Variants in ELL2 observed in about 807,000 individuals in gnomAD.
The protein encoded by ELL2 is RNA polymerase II elongation factor ELL2.
In ELL2, 21 loss-of-function variants were observed where a neutral mutation model predicts 72.8. That is an observed-to-expected ratio of 0.29 (90% confidence interval 0.20 to 0.42). ELL2 has a LOEUF of 0.42. Ranked by LOEUF, ELL2 falls within the 10% of genes least tolerant of loss-of-function variation. The probability of loss-of-function intolerance (pLI) is 1.00; values close to 1 mark genes in which losing one functional copy is unlikely to be tolerated. For missense variants in ELL2, 568 were observed against 772.8 expected (o/e 0.73, Z 3.14); for synonymous variants, 266 against 283.2 (o/e 0.94, Z 0.61).
intron 1 of ELL2, among the ~76,000 whole-genome samples, chr5:95,943,829 T>A (rs1751059860): frequency 6.6e-6 from 1 of 152,222 alleles, no homozygotes; most frequent in Non-Finnish European, 1.5e-5. Context: ...GAGTTGTGCA[T>A]TTAGAAGAAA....
At chr5:95,900,555 C>A (rs1471973199) in intron 7 of ELL2, 138 bp downstream of exon 7, 1 of 564,380 alleles carries the variant, frequency 1.8e-6, no homozygotes, top group African/African-American at 1.9e-5. Flanking sequence ...AGGCTAAGCT[C>A]AGCCATAACC....
intron 3 of ELL2, among the ~76,000 whole-genome samples, chr5:95,914,205 G>T (rs1008448311): frequency 6.6e-6 from 1 of 151,972 alleles, no homozygotes; most frequent in Non-Finnish European, 1.5e-5. Context: ...TTTAGAGTGA[G>T]ACCAGAGTTC....
At chr5:95,891,300 A>G in intron 9 of ELL2, 26 bp from the exon 10 acceptor site, 1 of 1,587,306 alleles carries the variant, frequency 6.3e-7, no homozygotes, top group South Asian at 1.1e-5. Context: ...ATAAATGGAG[A>G]GTAGCTACCC....
In ELL2 at chr5:95,950,935, TA is replaced by T. The variant is rs1561515434; in HGVS notation, c.148-7887del. The stretch of plus-strand genomic sequence containing the variant: ...ATATATATATATATATATATATATA[TA>T]TATATATATATATATATAAAATCTT... On this transcript the variant is annotated intron_variant, in intron 1 of 11. Coordinates refer to ENST00000237853, the MANE Select transcript of ELL2 (RefSeq NM_012081.6). Among the ~76,000 whole-genome samples the T allele has an allele frequency of 4.9e-3, 596 of 121,586 alleles. 10 individuals are homozygous for T. The highest frequency in any genetic ancestry group is 0.022 in the East Asian group (109 of 4,850). 79.8% of individuals were successfully genotyped at this position (121,586 alleles called of 152,430 possible). A position where few individuals can be genotyped will look rare whatever the true frequency, so the allele number is the denominator to read the frequency against.
intron 1 of ELL2, among the ~76,000 whole-genome samples, chr5:95,950,111 G>A (rs1300581836): frequency 6.6e-6 from 1 of 152,014 alleles, no homozygotes; most frequent in African/African-American, 2.4e-5. Flanking sequence ...CACTTTTTTG[G>A]TTTTGCACTA....
intron 4 of ELL2, among the ~76,000 whole-genome samples, chr5:95,911,426 C>T (rs916081578): frequency 3.3e-5 from 5 of 152,056 alleles, no homozygotes; most frequent in South Asian, 2.1e-4. Flanking sequence ...CAACCTCCAC[C>T]TCCCGGATTC....
intron 2 of ELL2, among the ~76,000 whole-genome samples, chr5:95,938,562 C>A (rs1750859219): frequency 6.6e-6 from 1 of 151,956 alleles, no homozygotes. Flanking sequence ...ATCTCTACAA[C>A]AACAACAAAA....
chr5:95,932,780 T>G (rs1477769415), intron 2 of ELL2: 1 of 151,866 alleles, frequency 6.6e-6, no homozygotes, highest in Non-Finnish European at 1.5e-5. Flanking sequence ...TAAAGAAAAA[T>G]GTCAAAATAG....
intron 8 of ELL2, among the ~76,000 whole-genome samples, chr5:95,897,956 G>C (rs1483802468): frequency 6.6e-6 from 1 of 152,080 alleles, no homozygotes; most frequent in Non-Finnish European, 1.5e-5. Context: ...AACAGATATG[G>C]AAAAGAATGT....
intron 2 of ELL2, among the ~76,000 whole-genome samples, chr5:95,929,249 A>G (rs908545309): frequency 1.4e-5 from 2 of 147,774 alleles, no homozygotes; most frequent in African/African-American, 2.5e-5. Context: ...GGCAAGGACC[A>G]TGGTCTTCCT....
intron 4 of ELL2, among the ~76,000 whole-genome samples, chr5:95,911,889 A>G (rs1490939067): frequency 6.6e-6 from 1 of 152,210 alleles, no homozygotes; most frequent in Non-Finnish European, 1.5e-5. Flanking sequence ...GACAAAGCAA[A>G]GAGGAAAAGG....
intron 9 of ELL2, among the ~76,000 whole-genome samples, chr5:95,894,194 C>T (rs944756524): frequency 1.3e-5 from 2 of 152,096 alleles, no homozygotes; most frequent in African/African-American, 2.4e-5. Flanking sequence ...GAGCCGAGGT[C>T]GCACCATCGC....
chr5:95,961,089 G>C (rs1751828345), intron 1 of ELL2, among the ~76,000 whole-genome samples: 1 of 152,146 alleles, frequency 6.6e-6, no homozygotes, highest in South Asian at 2.1e-4. Context: ...CCCACACGCG[G>C]AGCGCCTGTG....
intron 8 of ELL2, among the ~76,000 whole-genome samples, chr5:95,896,791 AG>A (rs1452065491): frequency 1.3e-5 from 2 of 152,214 alleles, no homozygotes; most frequent in African/African-American, 4.8e-5. Flanking sequence ...AAGAATTCAA[AG>A]AGACTAAGTC....
rs185213758 is a variant in ELL2 at position 95,956,826 on chromosome 5, T to C, written c.147+4749A>G. ...TAATTTTGGAGGCTTAAATAAGAAC[T>C]TATGCTTTGTAAATAGCATCTAAAA... On this transcript the variant is annotated intron_variant, in intron 1 of 11. Transcript: ENST00000237853. 5.3e-5 allele frequency among the ~76,000 whole-genome samples: 8 copies of C among 152,318 alleles called. No individual in the cohort carries two copies. In the East Asian group the frequency reaches 1.5e-3, roughly 29 times the overall value.
chr5:95,950,908 A>ATATATATATGTG (rs1751358053), intron 1 of ELL2, among the ~76,000 whole-genome samples: 1 of 16,812 alleles, frequency 5.9e-5, no homozygotes, highest in Non-Finnish European at 9.8e-5. Context: ...GTATGTGTAT[A>ATATATATATGTG]TATATATATA....
intron 2 of ELL2, among the ~76,000 whole-genome samples, chr5:95,939,331 G>A (rs540097844): frequency 6.6e-6 from 1 of 150,490 alleles, no homozygotes; most frequent in African/African-American, 2.5e-5. Context: ...TTAAGACTGT[G>A]CGTTCTCTGA....
At chr5:95,925,102 C>G (rs879369125) in intron 2 of ELL2, among the ~76,000 whole-genome samples, 1 of 152,160 alleles carries the variant, frequency 6.6e-6, no homozygotes, top group African/African-American at 2.4e-5. Context: ...AAAAATAGAA[C>G]CAGCAAGGGT....
chr5:95,934,871 C>T (rs1750720645), intron 2 of ELL2, among the ~76,000 whole-genome samples: 1 of 152,134 alleles, frequency 6.6e-6, no homozygotes, highest in Admixed American at 6.5e-5. Context: ...TTTTTGGCAT[C>T]TATTGAAACA....
Sources: allele counts gnomAD v4.1 joint callset (sites outside exome capture counted in the v4.1 genomes callset), GRCh38; gene constraint gnomAD v4.1.1; transcripts MANE v1.5; gene names NCBI Gene and HGNC (gene_info 2026-07-23, HGNC 2026-07-21).